Variants in PDE6G observed in about 807,000 individuals in gnomAD.
The protein encoded by PDE6G is phosphodiesterase 6G, also known as rod cGMP 3',5'-cyclic phosphodiesterase subunit gamma.
Under a neutral mutation model 10.9 loss-of-function variants are expected in PDE6G, and 10 were observed. That is an observed-to-expected ratio of 0.91 (90% CI 0.56 to 1.55). The LOEUF (loss-of-function observed/expected upper bound fraction) is 1.55, where lower values mean the gene tolerates loss of function less well. Among genes scored for constraint, PDE6G ranks in the 40% most tolerant of loss-of-function variants. The pLI, the probability that PDE6G is intolerant of heterozygous loss-of-function variation, is 0.00. For missense variants in PDE6G, 102 were observed against 110.1 expected (o/e 0.93, Z 0.33); for synonymous variants, 41 against 42.8 (o/e 0.96, Z 0.16).
In PDE6G at chr17:81,653,388, C is replaced by T; in HGVS notation, c.-59-24G>A. On this transcript the variant is annotated intron_variant, in intron 1 of 3. Transcript: ENST00000331056. The surrounding 1 kb of genome is among the most constrained non-coding windows in gnomAD (Gnocchi z 5.2). ...GTCTGGGGGCAGACCAGGCCCGGGT[C>T]CCAGTCAGCCCTCCTGCTTCCAACC... 6.6e-7 allele frequency: 1 copy of T among 1,511,426 alleles called. No individual in the cohort carries two copies. The highest frequency in any genetic ancestry group is 1.4e-5 in the African/African-American group (1 of 73,168). The allele number at this position is 1,511,426 out of a possible 1,614,324, so 93.6% of individuals were successfully genotyped here. A position where few individuals can be genotyped will look rare whatever the true frequency, so the allele number is the denominator to read the frequency against.
chr17:81,650,627 T>A lies in PDE6G; in HGVS notation c.*447A>T. The A allele has an allele frequency of 2.2e-6, 1 of 454,666 alleles. No homozygotes were observed. Among genetic ancestry groups the A allele is most frequent in the Non-Finnish European group, 4.4e-6 (1 of 227,212 alleles). The allele number at this position is 454,666 out of a possible 1,614,324, so 28.2% of individuals were successfully genotyped here. On this transcript the variant is annotated 3_prime_UTR_variant, in exon 4 of 4. Transcript: ENST00000331056. Reference sequence around the variant, plus strand: ...CTAAGGGCACCCCCCTGGGAAGGGATGCAGAGACGGGGAGCTTCTCTGTAT... The same window carrying A: ...CTAAGGGCACCCCCCTGGGAAGGGAAGCAGAGACGGGGAGCTTCTCTGTAT...
At chr17:81,659,793 A>G (rs1327967164), upstream of PDE6G, among the ~76,000 whole-genome samples, 1 of 152,114 alleles carries the variant, frequency 6.6e-6, no homozygotes, top group Non-Finnish European at 1.5e-5. Flanking sequence ...TTTACATGAA[A>G]TGAAACTATT....
Position 81,650,516 on chromosome 17 carries a change from G to A in PDE6G, c.*558C>T, listed in dbSNP as rs2036330768. 2.2e-6 allele frequency: 1 copy of A among 453,960 alleles called. No individual in the cohort carries two copies. The highest frequency in any genetic ancestry group is 4.4e-6 in the Non-Finnish European group (1 of 226,690). 28.1% of individuals were successfully genotyped at this position (453,960 alleles called of 1,614,324 possible). On this transcript the variant is annotated 3_prime_UTR_variant, in exon 4 of 4. Transcript: ENST00000331056. ...GGACTGCAAGGGCAGGCTGTATTGA[G>A]AAGGATGGCCCCCTGGTGTGATGAG...
At chr17:81,658,026 AC>A (rs200919618), upstream of PDE6G, among the ~76,000 whole-genome samples, 11,298 of 150,144 alleles carry the variant, frequency 0.075, 581 homozygotes, top group East Asian at 0.22. Flanking sequence ...ACATAGTGAG[AC>A]CCCCCCATCT....
rs1248488670 is a variant in PDE6G at position 81,651,580 on chromosome 17, G to A, written c.187+65C>T. The A allele has an allele frequency of 1.1e-5, 16 of 1,497,768 alleles. No individual in the cohort carries two copies. Among genetic ancestry groups the A allele is most frequent in the Middle Eastern group, 1.7e-4 (1 of 5,852 alleles). The allele number at this position is 1,497,768 out of a possible 1,614,324, so 92.8% of individuals were successfully genotyped here. A position where few individuals can be genotyped will look rare whatever the true frequency, so the allele number is the denominator to read the frequency against. ...GCCGAGGTGGGCTGCAATGGGCCCC[G>A]GGCGTGCTGGGTGTGCCTGGGGGGA... is the stretch of plus-strand genomic sequence containing the variant. On this transcript the variant is annotated intron_variant, in intron 3 of 3. Coordinates refer to ENST00000331056, the MANE Select transcript of PDE6G (RefSeq NM_002602.4). This position sits in a 1 kb window ranked among gnomAD's most constrained non-coding sequence, Gnocchi z 4.8.
At position 81,651,613 on chromosome 17, in the gene PDE6G, A is replaced by G; in HGVS notation, c.187+32T>C. ...TGGGTGTGCCTGGGGGGACCTGGGC[A>G]GACCTCGGGTTGGTACTGGCAGCCG... On this transcript the variant is annotated intron_variant, in intron 3 of 3. Transcript: ENST00000331056. This position sits in a 1 kb window ranked among gnomAD's most constrained non-coding sequence, Gnocchi z 4.8. 6.2e-7 allele frequency: 1 copy of G among 1,611,810 alleles called. No individual in the cohort carries two copies. Among genetic ancestry groups the G allele is most frequent in the East Asian group, 2.2e-5 (1 of 44,852 alleles).
Position 81,653,097 on chromosome 17 carries a change from T to C in PDE6G, c.146+63A>G, listed in dbSNP as rs2036387642. ...CCCCAGGCTCTGCCCCGCCCTCCCC[T>C]TCCTGTGCAGCCTCAGGACCGCCTC... is the stretch of plus-strand genomic sequence containing the variant. On this transcript the variant is annotated intron_variant, in intron 2 of 3. Coordinates refer to ENST00000331056, the MANE Select transcript of PDE6G (RefSeq NM_002602.4). The surrounding 1 kb of genome is among the most constrained non-coding windows in gnomAD (Gnocchi z 5.2). 8.1e-7 allele frequency: 1 copy of C among 1,237,864 alleles called. No homozygotes were observed. The highest frequency in any genetic ancestry group is 1.1e-6 in the Non-Finnish European group (1 of 889,674). 76.7% of individuals were successfully genotyped at this position (1,237,864 alleles called of 1,614,324 possible). A position where few individuals can be genotyped will look rare whatever the true frequency, so the allele number is the denominator to read the frequency against.
Position 81,653,597 on chromosome 17 carries a change from A to G in PDE6G, c.-59-233T>C, listed in dbSNP as rs2036402669. The G allele has an allele frequency of 4.3e-6, 2 of 463,980 alleles. No individual in the cohort carries two copies. Among genetic ancestry groups the G allele is most frequent in the East Asian group, 4.2e-5 (1 of 24,084 alleles). The allele number at this position is 463,980 out of a possible 1,614,324, so 28.7% of individuals were successfully genotyped here. ...TGCCCCCCTGCAACGCTGGCCACAC[A>G]CAGCTCCGGACTCCCCCCTGTCCTG... On this transcript the variant is annotated intron_variant, in intron 1 of 3. Transcript: ENST00000331056. This position sits in a 1 kb window ranked among gnomAD's most constrained non-coding sequence, Gnocchi z 5.2.
chr17:81,652,561 G>A (rs1321926854), intron 2 of PDE6G, among the ~76,000 whole-genome samples: 2 of 151,870 alleles, frequency 1.3e-5, no homozygotes, highest in Non-Finnish European at 2.9e-5. Context: ...ACAGGCATGA[G>A]CCACCGCCCC....
chr17:81,658,578 C>G (rs185278642), upstream of PDE6G, among the ~76,000 whole-genome samples: 7 of 151,638 alleles, frequency 4.6e-5, no homozygotes, highest in Admixed American at 6.6e-5. Context: ...TGGTGGCTCA[C>G]GCCTGTAATC....
In PDE6G at chr17:81,651,642, T is replaced by C; in HGVS notation, c.187+3A>G. 6.2e-7 allele frequency: 1 copy of C among 1,613,918 alleles called. No homozygotes were observed. Among genetic ancestry groups the C allele is most frequent in the Non-Finnish European group, 8.5e-7 (1 of 1,179,870 alleles). ...CTCGGGTTGGTACTGGCAGCCGTCA[T>C]ACCTGTTCCCAGGCCTTCCATTCCA... is the stretch of plus-strand genomic sequence containing the variant. On this transcript the variant is annotated splice_donor_region_variant and intron_variant, in intron 3 of 3. Transcript: ENST00000331056. The surrounding 1 kb of genome is among the most constrained non-coding windows in gnomAD (Gnocchi z 4.8).
At chr17:81,658,293 C>T (rs1481694365), upstream of PDE6G, among the ~76,000 whole-genome samples, 1 of 151,518 alleles carries the variant, frequency 6.6e-6, no homozygotes, top group African/African-American at 2.4e-5. Flanking sequence ...ACCATGTTAG[C>T]CAGGATGGTC....
At chr17:81,660,399 C>A (rs911353042), upstream of PDE6G, among the ~76,000 whole-genome samples, 3 of 152,160 alleles carry the variant, frequency 2.0e-5, no homozygotes, top group African/African-American at 7.2e-5. Context: ...GCGACAGAGA[C>A]TCTGTCTCAA....
intron 1 of PDE6G, among the ~76,000 whole-genome samples, chr17:81,661,806 G>C (rs1241058051): frequency 7.0e-6 from 1 of 143,548 alleles, no homozygotes; most frequent in Non-Finnish European, 1.5e-5. Context: ...GTTGCAGTGA[G>C]CCCGAGATTG....
intron 2 of PDE6G, among the ~76,000 whole-genome samples, chr17:81,652,122 C>T (rs996215183): frequency 5.3e-5 from 8 of 151,982 alleles, no homozygotes; most frequent in African/African-American, 9.7e-5. Flanking sequence ...GGACACTCCT[C>T]GGTGCGTTGA....
chr17:81,659,026 A>G (rs1271677582), upstream of PDE6G, among the ~76,000 whole-genome samples: 1 of 152,092 alleles, frequency 6.6e-6, no homozygotes, highest in Non-Finnish European at 1.5e-5. Context: ...GGCAAAAATC[A>G]CTAGTCCAGA....
At position 81,650,588 on chromosome 17, in the gene PDE6G, C is replaced by A; in HGVS notation, c.*486G>T. On this transcript the variant is annotated 3_prime_UTR_variant, in exon 4 of 4. Coordinates refer to ENST00000331056, the MANE Select transcript of PDE6G (RefSeq NM_002602.4). ...CGTGCACGCCCTGGAGTCCTGCTAC[C>A]CAGCATGTCCAAACTAAGGGCACCC... is the stretch of plus-strand genomic sequence containing the variant. 1 of 454,326 alleles carries A rather than the reference C, an allele frequency of 2.2e-6. No individual in the cohort carries two copies. The highest frequency in any genetic ancestry group is 4.4e-6 in the Non-Finnish European group (1 of 226,942). 28.1% of individuals were successfully genotyped at this position (454,326 alleles called of 1,614,324 possible). A position where few individuals can be genotyped will look rare whatever the true frequency, so the allele number is the denominator to read the frequency against.
chr17:81,652,835 CT>C (rs1162288934), intron 2 of PDE6G, among the ~76,000 whole-genome samples: 4 of 45,790 alleles, frequency 8.7e-5, no homozygotes, highest in African/African-American at 5.0e-4. Context: ...GGTATTAAAA[CT>C]TTTTTTTAGG....
chr17:81,659,651 T>C (rs1342269336), upstream of PDE6G, among the ~76,000 whole-genome samples: 1 of 152,196 alleles, frequency 6.6e-6, no homozygotes, highest in Non-Finnish European at 1.5e-5. Context: ...GAACACTCTT[T>C]AAATTGTCGT....
Sources: gnomAD v4.1 joint callset for allele counts (sites outside exome capture counted in the v4.1 genomes callset) on GRCh38, gnomAD v4.1.1 for gene constraint, Gnocchi (gnomAD v3.1) non-coding constraint, MANE v1.5 for transcripts, NCBI Gene and HGNC (gene_info 2026-07-23, HGNC 2026-07-21) for gene names.